The following NPAS3 variants were observed in gnomAD, a reference collection of about 807,000 sequenced individuals.
NPAS3 encodes the protein neuronal PAS domain protein 3, also known as neuronal PAS domain-containing protein 3.
Under a neutral mutation model 73.1 loss-of-function variants are expected in NPAS3, and 14 were observed. The observed-to-expected ratio is 0.19, with a 90% confidence interval of 0.13 to 0.30. NPAS3 has a LOEUF of 0.30. Among genes scored for constraint, NPAS3 ranks in the 10% least tolerant of loss-of-function variants. The pLI is 1.00. For synonymous variants in NPAS3, 620 were observed against 541.5 expected, an observed-to-expected ratio of 1.14 and a Z score of -2.01; for missense variants, 1,096 against 1,250.0, an observed-to-expected ratio of 0.88 and a Z score of 1.86.
At chr14:33,109,072 T>C (rs116961674) in intron 2 of NPAS3, among the ~76,000 whole-genome samples, 1 of 152,140 alleles carries the variant, frequency 6.6e-6, no homozygotes, top group African/African-American at 2.4e-5. Flanking sequence ...CTAGTAATAA[T>C]AAAGAAACAC....
chr14:33,366,170 C>T (rs776942907), intron 3 of NPAS3, among the ~76,000 whole-genome samples: 7 of 152,034 alleles, frequency 4.6e-5, no homozygotes, highest in African/African-American at 1.7e-4. Flanking sequence ...TTTGTTCTGA[C>T]CACGACGCAT....
At chr14:33,034,853 GC>G (rs2040110195) in intron 1 of NPAS3, among the ~76,000 whole-genome samples, 1 of 152,138 alleles carries the variant, frequency 6.6e-6, no homozygotes, top group South Asian at 2.1e-4. Context: ...ACCAATGATA[GC>G]CCACCTTGGG....
chr14:33,104,898 T>C (rs2042678283), intron 2 of NPAS3, among the ~76,000 whole-genome samples: 1 of 152,192 alleles, frequency 6.6e-6, no homozygotes, highest in Non-Finnish European at 1.5e-5. Context: ...CCAGACATAG[T>C]TCAGTTTATG....
At chr14:33,587,438 G>C (rs887832338) in intron 5 of NPAS3, among the ~76,000 whole-genome samples, 16 of 152,278 alleles carry the variant, frequency 1.1e-4, no homozygotes, top group African/African-American at 3.8e-4. Flanking sequence ...TAATAACTGG[G>C]TGTCTCAGTA....
chr14:33,781,864 C>T (rs1014128083), intron 9 of NPAS3, among the ~76,000 whole-genome samples: 1 of 152,110 alleles, frequency 6.6e-6, no homozygotes, highest in African/African-American at 2.4e-5. Context: ...ATGAACTTGT[C>T]TCTAGAATAA....
intron 2 of NPAS3, among the ~76,000 whole-genome samples, chr14:33,197,092 C>T (rs1324328204): frequency 3.3e-5 from 5 of 152,064 alleles, no homozygotes; most frequent in Admixed American, 2.6e-4. Flanking sequence ...TGCTCTTTGC[C>T]CTTATGGATT....
In NPAS3 at chr14:33,488,542, A is replaced by T. The variant is rs540907046; in HGVS notation, c.469-71579A>T. 4.7e-4 allele frequency among the ~76,000 whole-genome samples: 72 copies of T among 152,294 alleles called. No individual in the cohort carries two copies. In the South Asian group the frequency reaches 0.015, roughly 31 times the overall value. On this transcript the variant is annotated intron_variant, in intron 4 of 11. Transcript: ENST00000356141. ...AATGAACACATACCTTAAAAAGGTG[A>T]TATTTTTCTTTTCTGTTAGAATACA...
intron 2 of NPAS3, among the ~76,000 whole-genome samples, chr14:33,136,058 CTTTTTTTT>C (rs34308954): frequency 1.7e-5 from 2 of 115,412 alleles, no homozygotes; most frequent in African/African-American, 6.6e-5. Context: ...TACCTTTTTT[CTTTTTTTT>C]TTTTTTTTTT....
At chr14:33,784,037 A>C (rs920854544) in intron 9 of NPAS3, among the ~76,000 whole-genome samples, 2 of 152,226 alleles carry the variant, frequency 1.3e-5, no homozygotes, top group African/African-American at 2.4e-5. Flanking sequence ...CCAATGAAAC[A>C]AGAATAGGAT....
chr14:33,078,224 C>G (rs539836851), intron 2 of NPAS3, among the ~76,000 whole-genome samples: 5 of 152,130 alleles, frequency 3.3e-5, no homozygotes, highest in Admixed American at 3.3e-4. Flanking sequence ...GACGGAACTG[C>G]GGACAATCAG....
At chr14:32,962,027 G>A (rs1019919133) in intron 1 of NPAS3, among the ~76,000 whole-genome samples, 2 of 152,130 alleles carry the variant, frequency 1.3e-5, no homozygotes, top group Non-Finnish European at 2.9e-5. Flanking sequence ...TTCATTTGCA[G>A]CTTTGGGGTC....
intron 3 of NPAS3, among the ~76,000 whole-genome samples, chr14:33,233,211 A>G (rs1307519589): frequency 6.6e-6 from 1 of 152,186 alleles, no homozygotes; most frequent in East Asian, 1.9e-4. Flanking sequence ...AATGCTAAAC[A>G]GTCACATAGT....
intron 1 of NPAS3, among the ~76,000 whole-genome samples, chr14:33,017,541 T>C (rs765787737): frequency 3.9e-5 from 6 of 152,312 alleles, no homozygotes; most frequent in Non-Finnish European, 8.8e-5. Flanking sequence ...GATGCTGCTT[T>C]AATATGGTTC....
At chr14:33,696,699 T>C (rs1388552722) in intron 6 of NPAS3, among the ~76,000 whole-genome samples, 1 of 152,204 alleles carries the variant, frequency 6.6e-6, no homozygotes, top group African/African-American at 2.4e-5. Flanking sequence ...TGTAATTTAG[T>C]TTGCTTCCAG....
intron 2 of NPAS3, among the ~76,000 whole-genome samples, chr14:33,175,065 T>A (rs1344680011): frequency 6.6e-6 from 1 of 152,230 alleles, no homozygotes; most frequent in Non-Finnish European, 1.5e-5. Context: ...CTAAGAATAC[T>A]GTATTTTTTT....
intron 5 of NPAS3, among the ~76,000 whole-genome samples, chr14:33,597,643 C>T (rs2057283763): frequency 6.6e-6 from 1 of 152,212 alleles, no homozygotes; most frequent in East Asian, 1.9e-4. Context: ...TAATTCCATT[C>T]CCAGAGGGCA....
chr14:33,672,393 C>T (rs781036637), intron 5 of NPAS3, among the ~76,000 whole-genome samples: 7 of 151,710 alleles, frequency 4.6e-5, no homozygotes, highest in Admixed American at 1.3e-4. Context: ...TTTTTTCAGG[C>T]GCAAATATCC....
At chr14:33,045,000 A>G (rs1194492087) in intron 1 of NPAS3, among the ~76,000 whole-genome samples, 1 of 151,986 alleles carries the variant, frequency 6.6e-6, no homozygotes, top group Admixed American at 6.6e-5. Flanking sequence ...TCTTGTCTGC[A>G]TGGAGAAAGC....
intron 1 of NPAS3, among the ~76,000 whole-genome samples, chr14:33,028,765 A>G (rs10130782): frequency 0.49 from 73,905 of 151,914 alleles, 20,538 homozygotes; most frequent in African/African-American, 0.78. Flanking sequence ...GGAGATGATG[A>G]GGGAGACTTT....
Sources: allele counts gnomAD v4.1 joint callset (sites outside exome capture counted in the v4.1 genomes callset), GRCh38; gene constraint gnomAD v4.1.1; transcripts MANE v1.5; gene names NCBI Gene and HGNC (gene_info 2026-07-23, HGNC 2026-07-21).